The following TSPAN9 variants were observed in gnomAD, a reference collection of about 807,000 sequenced individuals.
TSPAN9 encodes tetraspanin-9.
Under a neutral mutation model 31.0 loss-of-function variants are expected in TSPAN9, and 16 were observed. The observed-to-expected ratio is 0.52, with a 90% CI of 0.35 to 0.78. The LOEUF (loss-of-function observed/expected upper bound fraction) is 0.78, where lower values mean the gene tolerates loss of function less well. Among genes scored for constraint, TSPAN9 ranks in the 30% least tolerant of loss-of-function variants. The pLI, the probability that TSPAN9 is intolerant of heterozygous loss-of-function variation, is 0.01. For synonymous variants in TSPAN9, 145 were observed against 121.6 expected, an observed-to-expected ratio of 1.19 and a Z score of -1.27; for missense variants, 272 against 312.5, an observed-to-expected ratio of 0.87 and a Z score of 0.98.
intron 2 of TSPAN9, among the ~76,000 whole-genome samples, chr12:3,188,381 C>T (rs537978236): frequency 1.3e-5 from 2 of 152,274 alleles, no homozygotes; most frequent in Admixed American, 1.3e-4. Flanking sequence ...TTCATCTCTG[C>T]AGGAAGCAGA....
chr12:3,102,169 G>C (rs1032356518), intron 2 of TSPAN9, among the ~76,000 whole-genome samples: 5 of 151,810 alleles, frequency 3.3e-5, no homozygotes, highest in African/African-American at 1.2e-4. Context: ...TGTTGCTCAG[G>C]CTGGACTACT....
At chr12:3,261,090 A>C (rs1362874200) in intron 3 of TSPAN9, among the ~76,000 whole-genome samples, 1 of 152,118 alleles carries the variant, frequency 6.6e-6, no homozygotes, top group Admixed American at 6.5e-5. Context: ...TTCTGGCCAA[A>C]GGGATGAGAC....
chr12:3,117,438 C>A (rs144215045), intron 2 of TSPAN9, among the ~76,000 whole-genome samples: 1 of 151,998 alleles, frequency 6.6e-6, no homozygotes, highest in Non-Finnish European at 1.5e-5. Flanking sequence ...ACTATTTGCC[C>A]GATTTTTGTA....
chr12:3,085,201 TAAAA>T (rs1245048351), intron 2 of TSPAN9, among the ~76,000 whole-genome samples: 1 of 139,350 alleles, frequency 7.2e-6, no homozygotes, highest in African/African-American at 2.6e-5. Context: ...TTGTCCCTAT[TAAAA>T]AAAAAAAAAG....
In TSPAN9 at chr12:3,098,734, GT is replaced by G. The variant is rs796407160; in HGVS notation, c.-18+15026del. Among the ~76,000 whole-genome samples the G allele has an allele frequency of 1.9e-3, 264 of 141,996 alleles. 1 individual carries two copies. The highest frequency in any genetic ancestry group is 6.0e-3 in the African/African-American group (232 of 38,918). 93.2% of individuals were successfully genotyped at this position (141,996 alleles called of 152,430 possible). A position where few individuals can be genotyped will look rare whatever the true frequency, so the allele number is the denominator to read the frequency against. The stretch of plus-strand genomic sequence containing the variant: ...TGAAATGCTTCCCGGATATGGCATT[GT>G]TTTTTTTTTTCTCTCTCTCTCTTTT... On this transcript the variant is annotated intron_variant, in intron 2 of 8. Coordinates refer to ENST00000011898, the MANE Select transcript of TSPAN9 (RefSeq NM_006675.5).
intron 2 of TSPAN9, among the ~76,000 whole-genome samples, chr12:3,116,398 A>G (rs555585339): frequency 1.3e-5 from 2 of 152,296 alleles, no homozygotes; most frequent in Admixed American, 6.5e-5. Flanking sequence ...CAGGCATCGT[A>G]CTTGTCTTAC....
Position 3,265,615 on chromosome 12 carries a change from C to T in TSPAN9, c.64-12806C>T, listed in dbSNP as rs1862523701. Among the ~76,000 whole-genome samples, 3 of 152,192 alleles carry T rather than the reference C, an allele frequency of 2.0e-5. No individual in the cohort carries two copies. In the South Asian group the frequency reaches 6.2e-4, roughly 31 times the overall value. ...GCCCTCGGCTGGACTGAGCGTCTGT[C>T]CGCTGCCCCTGCCTGCTGTGGCCGT... On this transcript the variant is annotated intron_variant, in intron 3 of 8. Coordinates refer to ENST00000011898, the MANE Select transcript of TSPAN9 (RefSeq NM_006675.5).
intron 2 of TSPAN9, among the ~76,000 whole-genome samples, chr12:3,089,495 C>T (rs767455414): frequency 3.7e-4 from 56 of 151,776 alleles, no homozygotes; most frequent in East Asian, 1.0e-3. Context: ...CGGGGTTTTA[C>T]CGTGTTGGCC....
intron 4 of TSPAN9, 102 bp downstream of exon 4, chr12:3,278,714 A>G (rs942189502): frequency 6.8e-6 from 10 of 1,459,990 alleles, no homozygotes; most frequent in Non-Finnish European, 9.2e-6. Context: ...TGGGTGTCCA[A>G]CCTGAGCCCA....
intron 2 of TSPAN9, among the ~76,000 whole-genome samples, chr12:3,111,841 A>C (rs1053963072): frequency 6.6e-6 from 1 of 151,906 alleles, no homozygotes; most frequent in Non-Finnish European, 1.5e-5. Flanking sequence ...CGAACTCCTG[A>C]CCTCAGGTGA....
At chr12:3,203,920 T>C (rs1076398) in intron 3 of TSPAN9, among the ~76,000 whole-genome samples, 39,939 of 151,960 alleles carry the variant, frequency 0.26, 6,452 homozygotes, top group East Asian at 0.5. Flanking sequence ...GTGCTTGGCC[T>C]GATACTGGGG....
chr12:3,082,864 C>T (rs900277662), intron 1 of TSPAN9, among the ~76,000 whole-genome samples: 6 of 152,188 alleles, frequency 3.9e-5, no homozygotes, highest in Non-Finnish European at 7.3e-5. Flanking sequence ...CTAATTCCCT[C>T]TGATGTTCTC....
chr12:3,274,676 C>T (rs1353597479), intron 3 of TSPAN9, among the ~76,000 whole-genome samples: 1 of 152,232 alleles, frequency 6.6e-6, no homozygotes, highest in South Asian at 2.1e-4. Flanking sequence ...CCTGGAAAAT[C>T]GAGGCGTGAC....
chr12:3,285,269 G>A lies in TSPAN9; in HGVS notation c.*2153G>A, dbSNP rs1862993073. 6.7e-6 allele frequency: 1 copy of A among 149,602 alleles called. No homozygotes were observed. The highest frequency in any genetic ancestry group is 2.1e-4 in the South Asian group (1 of 4,664). 9.3% of individuals were successfully genotyped at this position (149,602 alleles called of 1,614,324 possible). A position where few individuals can be genotyped will look rare whatever the true frequency, so the allele number is the denominator to read the frequency against. On this transcript the variant is annotated 3_prime_UTR_variant, in exon 9 of 9. Transcript: ENST00000011898. ...GGGCCTCGTGCGTTTTTTGCTGTGG[G>A]TGGGGTGGGTGGGTTGGTTTATGCC...
At chr12:3,161,564 C>A (rs1193426915) in intron 2 of TSPAN9, among the ~76,000 whole-genome samples, 1 of 152,158 alleles carries the variant, frequency 6.6e-6, no homozygotes, top group African/African-American at 2.4e-5. Flanking sequence ...AGGTGGAGCA[C>A]CTAGCGTGGG....
intron 2 of TSPAN9, among the ~76,000 whole-genome samples, chr12:3,199,051 G>A (rs900135081): frequency 1.3e-5 from 2 of 152,198 alleles, no homozygotes; most frequent in Non-Finnish European, 2.9e-5. Flanking sequence ...TAACTGGATT[G>A]TGGCTCCCTG....
intron 3 of TSPAN9, among the ~76,000 whole-genome samples, chr12:3,220,409 G>A (rs116802688): frequency 0.022 from 3,352 of 152,330 alleles, 121 homozygotes; most frequent in African/African-American, 0.076. Flanking sequence ...GGTCTAGGGT[G>A]CATGGGTGGG....
chr12:3,120,588 C>T (rs1479095334), intron 2 of TSPAN9, among the ~76,000 whole-genome samples: 1 of 152,266 alleles, frequency 6.6e-6, no homozygotes, highest in Non-Finnish European at 1.5e-5. Context: ...CATCTCTCTA[C>T]CTATTGATGT....
At chr12:3,098,399 C>T (rs2098310184) in intron 2 of TSPAN9, among the ~76,000 whole-genome samples, 1 of 152,162 alleles carries the variant, frequency 6.6e-6, no homozygotes. Context: ...CACTCGGATC[C>T]CAGACCTCGC....
Sources: gnomAD v4.1 joint callset for allele counts (sites outside exome capture counted in the v4.1 genomes callset) on GRCh38, gnomAD v4.1.1 for gene constraint, MANE v1.5 for transcripts, NCBI Gene and HGNC (gene_info 2026-07-23, HGNC 2026-07-21) for gene names.